MYOM1: variants seen among roughly 807,000 people sequenced by gnomAD.
The protein encoded by MYOM1 is myomesin 1, also known as myomesin-1.
A neutral mutation model predicts 205.3 loss-of-function variants in MYOM1; 164 were observed. The ratio of observed to expected loss-of-function variants is 0.80; its 90% confidence interval spans 0.70 to 0.91. The LOEUF is 0.91. MYOM1 is among the 40% of genes least tolerant of loss of function. MYOM1 has a pLI of 0.00. For synonymous variants in MYOM1, 772 were observed against 789.4 expected, an observed-to-expected ratio of 0.98 and a Z score of 0.37; for missense variants, 2,011 against 2,127.3, an observed-to-expected ratio of 0.95 and a Z score of 1.08.
intron 20 of MYOM1, among the ~76,000 whole-genome samples, chr18:3,117,290 C>T (rs1221928012): frequency 1.3e-5 from 2 of 152,136 alleles, no homozygotes; most frequent in Non-Finnish European, 2.9e-5. Context: ...AGCATCACTC[C>T]CAATTGGAGG....
chr18:3,172,587 G>T (rs1010721399), intron 8 of MYOM1, among the ~76,000 whole-genome samples: 13 of 151,872 alleles, frequency 8.6e-5, no homozygotes, highest in Non-Finnish European at 1.6e-4. Flanking sequence ...TCGGCTTACT[G>T]CAACCTCTGC....
intron 2 of MYOM1, among the ~76,000 whole-genome samples, chr18:3,207,322 T>A (rs1404136487): frequency 6.6e-6 from 1 of 152,216 alleles, no homozygotes; most frequent in East Asian, 1.9e-4. Context: ...ATTATAGTTT[T>A]TAAGCAAGAG....
At chr18:3,132,488 G>A (rs1300283568) in intron 16 of MYOM1, among the ~76,000 whole-genome samples, 1 of 151,974 alleles carries the variant, frequency 6.6e-6, no homozygotes, top group African/African-American at 2.4e-5. Context: ...TTAGGCTCAG[G>A]GATACATGGG....
chr18:3,139,741 A>T (rs1422293271), intron 14 of MYOM1, among the ~76,000 whole-genome samples: 1 of 152,198 alleles, frequency 6.6e-6, no homozygotes, highest in African/African-American at 2.4e-5. Context: ...CCTACATAGT[A>T]CTGTGTTCAT....
chr18:3,143,768 G>A (rs537188213), intron 13 of MYOM1, among the ~76,000 whole-genome samples: 2 of 152,038 alleles, frequency 1.3e-5, no homozygotes, highest in South Asian at 4.2e-4. Flanking sequence ...AGGTATGGTG[G>A]TGTGTACCTA....
chr18:3,083,429 T>TC (rs2079110951), intron 33 of MYOM1, among the ~76,000 whole-genome samples: 4 of 115,822 alleles, frequency 3.5e-5, no homozygotes, highest in Admixed American at 3.4e-4. Context: ...TTCTTTTTCT[T>TC]TTTTTTTTTT....
intron 33 of MYOM1, among the ~76,000 whole-genome samples, chr18:3,082,162 C>T (rs992006372): frequency 6.6e-6 from 1 of 152,358 alleles, no homozygotes; most frequent in East Asian, 1.9e-4. Flanking sequence ...GGTGGTCATG[C>T]TCGCTCCCTC....
rs78691715 is a variant in MYOM1, at chr18:3,194,402, T to C, written c.291-444A>G. 6.7e-3 allele frequency among the ~76,000 whole-genome samples: 1,023 copies of C among 152,338 alleles called. 13 individuals are homozygous for C. Among genetic ancestry groups the C allele is most frequent in the African/African-American group, 0.024 (982 of 41,568 alleles). The stretch of plus-strand genomic sequence containing the variant: ...CTGATGTAGGACCCTTGGTTTACAC[T>C]GAGACCTTTATGTATTATAGGCAAC... On this transcript the variant is annotated intron_variant, in intron 2 of 37. Coordinates refer to ENST00000356443, the MANE Select transcript of MYOM1 (RefSeq NM_003803.4).
At chr18:3,246,896 C>G in the MYOM1 span, 1 of 152,120 alleles carries the variant, frequency 6.6e-6, no homozygotes, top group Non-Finnish European at 1.5e-5. Flanking sequence ...AAGATAAAGT[C>G]GGGGAGGACT....
chr18:3,110,635 G>A (rs527969103), intron 22 of MYOM1, among the ~76,000 whole-genome samples: 9 of 152,200 alleles, frequency 5.9e-5, no homozygotes, highest in Admixed American at 2.0e-4. Flanking sequence ...CTAAAGTACA[G>A]TTCACAAGCC....
At chr18:3,102,158 C>T (rs375335164) in intron 23 of MYOM1, among the ~76,000 whole-genome samples, 18 of 151,840 alleles carry the variant, frequency 1.2e-4, no homozygotes, top group African/African-American at 4.1e-4. Context: ...CCCACCACCA[C>T]ACCCGGCTAA....
intron 20 of MYOM1, among the ~76,000 whole-genome samples, chr18:3,119,239 GA>G (rs1435063698): frequency 6.6e-6 from 1 of 152,032 alleles, no homozygotes; most frequent in Non-Finnish European, 1.5e-5. Flanking sequence ...TCAGAGTTTG[GA>G]AAATGCTTAG....
intron 10 of MYOM1, among the ~76,000 whole-genome samples, chr18:3,163,661 C>T (rs1447942145): frequency 1.3e-5 from 2 of 151,752 alleles, no homozygotes; most frequent in Non-Finnish European, 2.9e-5. Context: ...ACCATGTTGC[C>T]CAGGCTGGTC....
In MYOM1 at chr18:3,164,530, T is replaced by C. The variant is rs1598736601; in HGVS notation, c.1340-91A>G. 4.1e-6 allele frequency: 5 copies of C among 1,232,696 alleles called. No individual in the cohort carries two copies. In the East Asian group the frequency reaches 1.3e-4, roughly 31 times the overall value. The allele number at this position is 1,232,696 out of a possible 1,614,324, so 76.4% of individuals were successfully genotyped here. A position where few individuals can be genotyped will look rare whatever the true frequency, so the allele number is the denominator to read the frequency against. On this transcript the variant is annotated intron_variant, in intron 9 of 37. Coordinates refer to ENST00000356443, the MANE Select transcript of MYOM1 (RefSeq NM_003803.4). Reference sequence around the variant, plus strand: ...CTCCATTCCTCTCCTTAGCCTTTTCTATAATGAAAGTAATTTAACTACTAG... The same window carrying C: ...CTCCATTCCTCTCCTTAGCCTTTTCCATAATGAAAGTAATTTAACTACTAG...
At chr18:3,172,329 T>G (rs1032576216) in intron 8 of MYOM1, among the ~76,000 whole-genome samples, 9 of 152,038 alleles carry the variant, frequency 5.9e-5, no homozygotes, top group African/African-American at 2.2e-4. Context: ...GATTTAGCAA[T>G]AAGAGAAGTG....
At chr18:3,228,980 A>G in the MYOM1 span, among the ~76,000 whole-genome samples, 1 of 152,256 alleles carries the variant, frequency 6.6e-6, no homozygotes, top group Non-Finnish European at 1.5e-5. The surrounding 1 kb of genome is among the most constrained non-coding windows in gnomAD (Gnocchi z 4.5). Context: ...TGTCCTTTCA[A>G]TAACAATGAA....
the MYOM1 span, among the ~76,000 whole-genome samples, chr18:3,229,883 G>A: frequency 1.3e-5 from 2 of 149,866 alleles, no homozygotes; most frequent in African/African-American, 4.9e-5. Context: ...GCAGGAGAAT[G>A]GAGAATCAGT....
chr18:3,214,426 C>T (rs1598777182), intron 2 of MYOM1, among the ~76,000 whole-genome samples: 1 of 152,144 alleles, frequency 6.6e-6, no homozygotes, highest in Non-Finnish European at 1.5e-5. Flanking sequence ...CTTAGTGAAG[C>T]TAAAAGAGAC....
Position 3,187,656 on chromosome 18 carries a change from A to G in MYOM1, c.772-19T>C. On this transcript the variant is annotated intron_variant, in intron 4 of 37. Transcript: ENST00000356443. ...CTTCTAACTGAAAAAACAAATATGC[A>G]AACAAACATATTACCAAAATACCAA... 2.6e-6 allele frequency: 4 copies of G among 1,566,496 alleles called. No homozygotes were observed. The highest frequency in any genetic ancestry group is 3.5e-6 in the Non-Finnish European group (4 of 1,146,342).
Sources: gnomAD v4.1 joint callset for allele counts (sites outside exome capture counted in the v4.1 genomes callset) on GRCh38, gnomAD v4.1.1 for gene constraint, Gnocchi (gnomAD v3.1) non-coding constraint, MANE v1.5 for transcripts, NCBI Gene and HGNC (gene_info 2026-07-23, HGNC 2026-07-21) for gene names.